RSL1D1: variants seen among roughly 807,000 people sequenced by gnomAD.
RSL1D1 encodes the protein ribosomal L1 domain-containing protein 1.
A neutral mutation model predicts 44.6 loss-of-function variants in RSL1D1; 34 were observed. The observed-to-expected ratio is 0.76, with a 90% confidence interval of 0.58 to 1.02. RSL1D1 has a LOEUF of 1.02. RSL1D1 is among the 50% of genes least tolerant of loss of function. RSL1D1 has a pLI of 0.00. For synonymous variants in RSL1D1, 271 were observed against 207.4 expected (o/e 1.31, Z -2.63); for missense variants, 767 against 568.1 (o/e 1.35, Z -3.56).
chr16:11,849,561 A>G (rs987467415), intron 2 of RSL1D1, among the ~76,000 whole-genome samples: 3 of 152,208 alleles, frequency 2.0e-5, no homozygotes, highest in African/African-American at 7.2e-5. Flanking sequence ...TATAATCACC[A>G]TGGATTTCTT....
At chr16:11,851,348 T>C in intron 1 of RSL1D1, 60 bp downstream of exon 1, 2 of 1,515,574 alleles carry the variant, frequency 1.3e-6, no homozygotes, top group Non-Finnish European at 9.2e-7. Context: ...TCCGGCACCC[T>C]GCGCCTCACG....
Position 11,841,984 on chromosome 16 carries a change from G to T in RSL1D1, c.652C>A (p.His218Asn). The T allele has an allele frequency of 1.2e-6, 2 of 1,612,946 alleles. No homozygotes were observed. The highest frequency in any genetic ancestry group is 2.2e-5 in the South Asian group (2 of 90,850). ...SGSCSAIRIG[H>N]VGMQIEHIIE... ...ATGTGCTCAATTTGCATTCCAACGTGACCAATACGTATAGCACTGAAATTT... is the reference window on the plus strand; with the variant it reads ...ATGTGCTCAATTTGCATTCCAACGTTACCAATACGTATAGCACTGAAATTT... Residue 218 changes from histidine (H) to asparagine (N), a missense_variant, in exon 6 of 9, where the codon CAC (histidine) becomes AAC (asparagine). Coordinates refer to ENST00000571133, the MANE Select transcript of RSL1D1 (RefSeq NM_015659.3).
Position 11,837,897 on chromosome 16 carries a change from G to A in RSL1D1, c.1363C>T (p.Pro455Ser). The change falls in exon 9 of 9, where the codon CCA (proline) becomes TCA (serine). Residue 455 changes from proline (P) to serine (S), a missense_variant. Physicochemically the swap from Pro to Ser is moderately conservative, Grantham distance 74. Coordinates refer to ENST00000571133, the MANE Select transcript of RSL1D1 (RefSeq NM_015659.3). ...SLGKKDARQT[P>S]KKPEAKFFTT... The stretch of plus-strand genomic sequence containing the variant: ...AAAAACTTGGCCTCTGGCTTTTTTG[G>A]AGTCTGTCTCGCATCTTTTTTCCCC... The A allele has an allele frequency of 6.2e-7, 1 of 1,613,988 alleles. No homozygotes were observed. Among genetic ancestry groups the A allele is most frequent in the Non-Finnish European group, 8.5e-7 (1 of 1,179,998 alleles).
intron 2 of RSL1D1, among the ~76,000 whole-genome samples, chr16:11,849,662 G>T (rs973578644): frequency 6.6e-6 from 1 of 152,030 alleles, no homozygotes. Flanking sequence ...GACATGGAAA[G>T]ATAACAGTTT....
rs1480132976 is a variant in RSL1D1, at chr16:11,839,926, CTT to C, written c.913_914del (p.Lys305GlufsTer5). 6.2e-7 allele frequency: 1 copy of C among 1,613,268 alleles called. No individual in the cohort carries two copies. The highest frequency in any genetic ancestry group is 1.1e-5 in the South Asian group (1 of 91,030). On this transcript the variant is annotated frameshift_variant, in exon 8 of 9. Coordinates refer to ENST00000571133, the MANE Select transcript of RSL1D1 (RefSeq NM_015659.3). LOFTEE classifies it high-confidence loss of function. ...ATGCAGTCTTCCTAGCCTGCTGCCT[CTT>C]CTTCTTCCTCTCCTTTTGTTTTTCA... ...NFEKQKERKK[K>X]RQQARKTASV...
chr16:11,840,067 T>G lies in RSL1D1; in HGVS notation c.856-82A>C, dbSNP rs1442586924. 7.1e-6 allele frequency: 11 copies of G among 1,541,266 alleles called. No individual in the cohort carries two copies. In the African/African-American group the frequency reaches 1.5e-4, roughly 21 times the overall value. On this transcript the variant is annotated intron_variant, in intron 7 of 8. Transcript: ENST00000571133. The stretch of plus-strand genomic sequence containing the variant: ...CGGCATAGATGTACCACGTGCAGTT[T>G]TGATTATCCATAAGCCCCTAAATGG...
At chr16:11,844,766 C>G (rs1436950170) in intron 5 of RSL1D1, among the ~76,000 whole-genome samples, 47 of 152,212 alleles carry the variant, frequency 3.1e-4, no homozygotes, top group Non-Finnish European at 2.9e-5. Flanking sequence ...CTCTGCCTTA[C>G]TGGCAGCTAG....
chr16:11,849,346 C>T (rs2053820080), intron 2 of RSL1D1: 1 of 147,846 alleles, frequency 6.8e-6, no homozygotes, highest in Non-Finnish European at 1.5e-5. Flanking sequence ...ACAGATCTCA[C>T]TATTGTACTC....
chr16:11,844,801 G>C (rs575420544), intron 5 of RSL1D1, among the ~76,000 whole-genome samples: 3 of 152,332 alleles, frequency 2.0e-5, no homozygotes, highest in East Asian at 1.9e-4. Flanking sequence ...CAGTCAGCAA[G>C]TGCAGTACTT....
Position 11,838,042 on chromosome 16 carries a change from T to C in RSL1D1, c.1218A>G (p.Lys406=), listed in dbSNP as rs2053734784. ...TCTCAGATGCTGGCAAAGCCTTTCT[T>C]TTCTTCCCACGAGGTGTGCTGGGAT... ...SPNPSTPRGK[K]RKALPASETP... Residue 406 remains lysine, a synonymous_variant, in exon 9 of 9, where the codon AAA becomes AAG. Transcript: ENST00000571133. 1.2e-6 allele frequency: 2 copies of C among 1,613,852 alleles called. No individual in the cohort carries two copies. The highest frequency in any genetic ancestry group is 4.5e-5 in the East Asian group (2 of 44,886).
chr16:11,839,220 G>C (rs984196254), intron 8 of RSL1D1, among the ~76,000 whole-genome samples: 1 of 152,052 alleles, frequency 6.6e-6, no homozygotes, highest in Non-Finnish European at 1.5e-5. Flanking sequence ...ACAAAAATTA[G>C]CTGGGCATGG....
Position 11,837,298 on chromosome 16 carries a change from A to T in RSL1D1, c.*489T>A, listed in dbSNP as rs2053728095. ...CCCTCTATTACATTAGCAAATACAC[A>T]GAAGGACAATTTAGAAACAGATTAT... is the stretch of plus-strand genomic sequence containing the variant. On this transcript the variant is annotated 3_prime_UTR_variant, in exon 9 of 9. Transcript: ENST00000571133. 6.5e-6 allele frequency: 1 copy of T among 153,628 alleles called. No homozygotes were observed. The highest frequency in any genetic ancestry group is 2.4e-5 in the African/African-American group (1 of 41,430). 9.5% of individuals were successfully genotyped at this position (153,628 alleles called of 1,614,324 possible). A position where few individuals can be genotyped will look rare whatever the true frequency, so the allele number is the denominator to read the frequency against.
chr16:11,845,690 G>A (rs1465208061), intron 5 of RSL1D1, among the ~76,000 whole-genome samples: 1 of 151,854 alleles, frequency 6.6e-6, no homozygotes, highest in Non-Finnish European at 1.5e-5. Context: ...AGTAGAAAGT[G>A]CTATCAGACA....
Position 11,839,544 on chromosome 16 carries a change from A to G in RSL1D1, c.1146+151T>C, listed in dbSNP as rs1281353816. 11 of 1,073,758 alleles carry G rather than the reference A, an allele frequency of 1.0e-5. No homozygotes were observed. In the Admixed American group the frequency reaches 3.0e-4, roughly 29 times the overall value. 66.5% of individuals were successfully genotyped at this position (1,073,758 alleles called of 1,614,324 possible). ...TCCCATCTAAAAAAAAAAAAAAAAA[A>G]AAGGTACAATAAATCATGATATGAT... On this transcript the variant is annotated intron_variant, in intron 8 of 8. Coordinates refer to ENST00000571133, the MANE Select transcript of RSL1D1 (RefSeq NM_015659.3).
rs1237291371 is a variant in RSL1D1, at chr16:11,850,292, G to A, written c.232C>T (p.Leu78=). Residue 78 remains leucine, a synonymous_variant, in exon 2 of 9, where the codon CTG becomes TTG. Coordinates refer to ENST00000571133, the MANE Select transcript of RSL1D1 (RefSeq NM_015659.3). ...VVLWKIPSKE[L]RVRLTLPHSI... is the part of the protein sequence containing the mutation. ...ATCACAACTTACAATCTGACCCTCA[G>A]TTCTTTACTTGGAATTTTCCATAAT... 6.3e-7 allele frequency: 1 copy of A among 1,584,388 alleles called. No individual in the cohort carries two copies. The highest frequency in any genetic ancestry group is 8.5e-7 in the Non-Finnish European group (1 of 1,171,980).
intron 5 of RSL1D1, among the ~76,000 whole-genome samples, chr16:11,842,337 A>C (rs2053768959): frequency 6.7e-6 from 1 of 148,778 alleles, no homozygotes; most frequent in South Asian, 2.1e-4. Context: ...TCTGAAAAAA[A>C]AAACAAAACA....
intron 5 of RSL1D1, among the ~76,000 whole-genome samples, chr16:11,845,232 C>A (rs972775714): frequency 1.3e-5 from 2 of 152,096 alleles, no homozygotes; most frequent in Non-Finnish European, 2.9e-5. Flanking sequence ...ACAGGAGGAC[C>A]GGTTTTGTCT....
chr16:11,844,256 G>A (rs573428330), intron 5 of RSL1D1, among the ~76,000 whole-genome samples: 39 of 152,306 alleles, frequency 2.6e-4, no homozygotes, highest in Admixed American at 3.3e-4. Flanking sequence ...GCTGGGGAAA[G>A]GTAAGAGAGG....
At chr16:11,840,688 T>C (rs934647745) in intron 7 of RSL1D1, among the ~76,000 whole-genome samples, 3 of 152,252 alleles carry the variant, frequency 2.0e-5, no homozygotes, top group Non-Finnish European at 4.4e-5. Flanking sequence ...CTTCTTTTGC[T>C]AGAGTACGAG....
Sources: allele counts gnomAD v4.1 joint callset (sites outside exome capture counted in the v4.1 genomes callset), GRCh38; gene constraint gnomAD v4.1.1; transcripts MANE v1.5; gene names NCBI Gene and HGNC (gene_info 2026-07-23, HGNC 2026-07-21).